SPECC1: variants seen among roughly 807,000 people sequenced by gnomAD.
The protein encoded by SPECC1 is cytospin-B.
SPECC1 carries 62 observed loss-of-function variants against 104.1 expected under a neutral mutation model. That is an observed-to-expected ratio of 0.60 (90% CI 0.49 to 0.74). SPECC1 has a LOEUF of 0.74. SPECC1 is among the 30% of genes least tolerant of loss of function. The pLI is 0.00. For missense variants in SPECC1, 1,306 were observed against 1,310.5 expected (o/e 1.00, Z 0.05); for synonymous variants, 513 against 501.6 (o/e 1.02, Z -0.30).
intron 10 of SPECC1, 151 bp downstream of exon 10, chr17:20,253,737 T>G: frequency 2.7e-6 from 2 of 745,056 alleles, no homozygotes; most frequent in Non-Finnish European, 2.2e-6. Context: ...ATCATGAATG[T>G]TAGATGCAGC....
intron 7 of SPECC1, chr17:20,237,276 T>C: frequency 1.8e-6 from 2 of 1,104,176 alleles, no homozygotes; most frequent in Non-Finnish European, 2.2e-6. Context: ...GCCCGAGTTC[T>C]TTTGTTTTTT....
At chr17:20,266,489 T>C (rs1455971411) in intron 12 of SPECC1, among the ~76,000 whole-genome samples, 3 of 151,984 alleles carry the variant, frequency 2.0e-5, no homozygotes, top group Non-Finnish European at 2.9e-5. Context: ...GAGGCTGAGG[T>C]AGGGGAATGG....
chr17:20,159,808 C>T (rs1224679919), intron 3 of SPECC1, among the ~76,000 whole-genome samples: 2 of 152,184 alleles, frequency 1.3e-5, no homozygotes, highest in African/African-American at 4.8e-5. Flanking sequence ...AGTTAACAGT[C>T]CTTCAGTTTC....
intron 7 of SPECC1, among the ~76,000 whole-genome samples, chr17:20,236,118 A>G (rs1195058266): frequency 6.6e-6 from 1 of 152,154 alleles, no homozygotes; most frequent in Non-Finnish European, 1.5e-5. Context: ...CTGTCTTGCC[A>G]CAGATGCTCT....
intron 12 of SPECC1, among the ~76,000 whole-genome samples, chr17:20,284,582 A>G (rs992346214): frequency 1.3e-5 from 2 of 152,224 alleles, no homozygotes; most frequent in Non-Finnish European, 2.9e-5. Context: ...TTCACATGAA[A>G]TGTTATGTGT....
At chr17:20,200,222 G>A (rs1310152513) in intron 3 of SPECC1, among the ~76,000 whole-genome samples, 2 of 152,152 alleles carry the variant, frequency 1.3e-5, no homozygotes, top group African/African-American at 4.8e-5. Flanking sequence ...AGACCAACCA[G>A]CTTAATACTC....
intron 3 of SPECC1, among the ~76,000 whole-genome samples, chr17:20,131,595 C>A (rs906446938): frequency 1.6e-4 from 24 of 148,980 alleles, no homozygotes; most frequent in Non-Finnish European, 3.0e-5. Flanking sequence ...CAGTAGACAT[C>A]TTTGTCTTGT....
At chr17:20,122,941 A>C (rs1334677621) in intron 3 of SPECC1, among the ~76,000 whole-genome samples, 1 of 152,204 alleles carries the variant, frequency 6.6e-6, no homozygotes, top group Non-Finnish European at 1.5e-5. Flanking sequence ...TGCTCTGTAC[A>C]CAGGTGTACA....
intron 13 of SPECC1, chr17:20,305,608 G>A (rs7212886): frequency 0.027 from 4,235 of 157,362 alleles, 192 homozygotes; most frequent in African/African-American, 0.095. Context: ...TGAAGGACCA[G>A]GATTGAAGGA....
At chr17:20,076,742 C>T (rs1475513710) in intron 1 of SPECC1, among the ~76,000 whole-genome samples, 1 of 151,972 alleles carries the variant, frequency 6.6e-6, no homozygotes, top group Non-Finnish European at 1.5e-5. Flanking sequence ...TTTAATGGTG[C>T]TTGGTGTGTG....
Position 20,205,214 on chromosome 17 carries a change from G to GA in SPECC1, c.1167dup (p.Glu390ArgfsTer22). On this transcript the variant is annotated frameshift_variant, in exon 4 of 15. Transcript: ENST00000395527. LOFTEE classifies it high-confidence loss of function. ...GGAAGAAAACCACCATAGCACTGCA[G>GA]AAGAACTACAGGCTACTCTACAAGA... is the stretch of plus-strand genomic sequence containing the variant. The GA allele has an allele frequency of 2.5e-6, 4 of 1,614,130 alleles. No individual in the cohort carries two copies. The highest frequency in any genetic ancestry group is 3.4e-6 in the Non-Finnish European group (4 of 1,180,036).
intron 3 of SPECC1, among the ~76,000 whole-genome samples, chr17:20,138,125 T>C (rs1444151476): frequency 6.6e-6 from 1 of 152,116 alleles, no homozygotes; most frequent in Admixed American, 6.6e-5. Context: ...GGCACCTTCA[T>C]GCCCAGCTAA....
rs559143366 is a variant in SPECC1, at chr17:20,206,227, G to A, written c.1863+315G>A. Among the ~76,000 whole-genome samples the A allele has an allele frequency of 5.9e-5, 9 of 152,322 alleles. No homozygotes were observed. In the South Asian group the frequency reaches 1.9e-3, roughly 32 times the overall value. ...GTCTAGTGCAAAGGAGGGGCATCTG[G>A]TGTAACGTGGGGGTTGGGCGTAGCA... is the stretch of plus-strand genomic sequence containing the variant. On this transcript the variant is annotated intron_variant, in intron 4 of 14. Coordinates refer to ENST00000395527, the MANE Select transcript of SPECC1 (RefSeq NM_001243439.2).
At chr17:20,220,280 A>T (rs1045479099) in intron 4 of SPECC1, among the ~76,000 whole-genome samples, 1 of 152,126 alleles carries the variant, frequency 6.6e-6, no homozygotes, top group Non-Finnish European at 1.5e-5. Context: ...ACATTTTAAC[A>T]TATTGACTTA....
At position 20,204,369 on chromosome 17, in the gene SPECC1, C is replaced by T. The variant is rs1159064096; in HGVS notation, c.320C>T (p.Ala107Val). Residue 107 changes from alanine (A) to valine (V), a missense_variant, in exon 4 of 15, where the codon GCC becomes GTC. Physicochemically the swap from Ala to Val is moderately conservative, Grantham distance 64 (BLOSUM62 0). Coordinates refer to ENST00000395527, the MANE Select transcript of SPECC1 (RefSeq NM_001243439.2). ...FTTTKRTGIP[A>V]PREFSVTVSR... ...ACAACTAAACGGACAGGCATTCCAGCCCCACGGGAATTTTCAGTAACTGTC... is the reference window on the plus strand; with the variant it reads ...ACAACTAAACGGACAGGCATTCCAGTCCCACGGGAATTTTCAGTAACTGTC... 8 of 1,613,580 alleles carry T rather than the reference C, an allele frequency of 5.0e-6. No individual in the cohort carries two copies. Among genetic ancestry groups the T allele is most frequent in the Non-Finnish European group, 6.8e-6 (8 of 1,179,896 alleles).
chr17:20,130,400 T>G (rs1193731430), intron 3 of SPECC1, among the ~76,000 whole-genome samples: 1 of 152,144 alleles, frequency 6.6e-6, no homozygotes, highest in Non-Finnish European at 1.5e-5. Context: ...CTGGGTATGG[T>G]GGTGCACACT....
intron 1 of SPECC1, among the ~76,000 whole-genome samples, chr17:20,040,775 G>T (rs963292934): frequency 1.3e-5 from 2 of 152,158 alleles, no homozygotes; most frequent in Non-Finnish European, 2.9e-5. Context: ...TCAGAAGTTT[G>T]ACTATGATGT....
intron 3 of SPECC1, among the ~76,000 whole-genome samples, chr17:20,122,765 G>C (rs998390580): frequency 6.6e-6 from 1 of 152,152 alleles, no homozygotes; most frequent in African/African-American, 2.4e-5. Context: ...ATTTCACTCA[G>C]CATAATATCC....
chr17:20,134,470 GA>G (rs958449133), intron 3 of SPECC1, among the ~76,000 whole-genome samples: 1 of 151,198 alleles, frequency 6.6e-6, no homozygotes. Flanking sequence ...CCTGGGAAGG[GA>G]AAAAAAATTG....
Sources: allele counts gnomAD v4.1 joint callset (sites outside exome capture counted in the v4.1 genomes callset), GRCh38; gene constraint gnomAD v4.1.1; transcripts MANE v1.5; gene names NCBI Gene and HGNC (gene_info 2026-07-23, HGNC 2026-07-21).